The following PSMB1 variants were observed in gnomAD, a reference collection of about 807,000 sequenced individuals.
The protein encoded by PSMB1 is proteasome 20S subunit beta 1.
PSMB1 carries 7 observed loss-of-function variants against 25.4 expected under a neutral mutation model. The observed-to-expected ratio is 0.28, with a 90% CI of 0.16 to 0.52. The LOEUF (loss-of-function observed/expected upper bound fraction) is 0.52, where lower values mean the gene tolerates loss of function less well. Among genes scored for constraint, PSMB1 ranks in the 20% least tolerant of loss-of-function variants. The pLI, the probability that PSMB1 is intolerant of heterozygous loss-of-function variation, is 0.97. For synonymous variants in PSMB1, 119 were observed against 115.0 expected (o/e 1.03, Z -0.22); for missense variants, 284 against 302.2 (o/e 0.94, Z 0.45).
chr6:170,537,356 A>G lies in PSMB1; in HGVS notation c.434-16T>C. The G allele has an allele frequency of 6.4e-7, 1 of 1,572,794 alleles. No homozygotes were observed. Among genetic ancestry groups the G allele is most frequent in the Non-Finnish European group, 8.7e-7 (1 of 1,143,502 alleles). ...GCCCCCTTTCCTTAAAGAAGAAAAC[A>G]GTATTCATAAGGATGGTATCCAATC... On this transcript the variant is annotated splice_polypyrimidine_tract_variant and intron_variant, in intron 4 of 5. Coordinates refer to ENST00000262193, the MANE Select transcript of PSMB1 (RefSeq NM_002793.4).
At chr6:170,543,773 C>T in intron 3 of PSMB1, 43 bp from the exon 4 acceptor site, 1 of 1,554,222 alleles carries the variant, frequency 6.4e-7, no homozygotes, top group Non-Finnish European at 8.7e-7. Context: ...GAGGCAGAGG[C>T]CATTATAGAC....
At chr6:170,544,162 T>C (rs568266092) in intron 3 of PSMB1, among the ~76,000 whole-genome samples, 1 of 152,266 alleles carries the variant, frequency 6.6e-6, no homozygotes, top group South Asian at 2.1e-4. Context: ...GCTTTTTCAC[T>C]ACAGAAGCAG....
chr6:170,551,943 T>C (rs1395743537), intron 1 of PSMB1, among the ~76,000 whole-genome samples: 4 of 152,216 alleles, frequency 2.6e-5, no homozygotes, highest in African/African-American at 9.6e-5. Flanking sequence ...GTTCAAGAAG[T>C]TCAGAAGTAC....
chr6:170,539,352 A>G (rs1479871286), intron 4 of PSMB1, among the ~76,000 whole-genome samples: 1 of 152,200 alleles, frequency 6.6e-6, no homozygotes, highest in African/African-American at 2.4e-5. Context: ...AAAAGGCACC[A>G]CCCAAAAGAG....
chr6:170,543,859 A>G (rs1778785135), intron 3 of PSMB1, 129 bp from the exon 4 acceptor site: 2 of 958,012 alleles, frequency 2.1e-6, no homozygotes, highest in Non-Finnish European at 2.9e-6. Context: ...TATTTCCTTC[A>G]TGATCAACCA....
intron 3 of PSMB1, among the ~76,000 whole-genome samples, chr6:170,544,232 C>T (rs965011827): frequency 3.8e-4 from 58 of 151,906 alleles, no homozygotes; most frequent in Non-Finnish European, 1.5e-4. Context: ...AGAAAAATTA[C>T]GGCAATCCCT....
chr6:170,548,948 T>G (rs1181731088), intron 2 of PSMB1, 58 bp downstream of exon 2: 2 of 1,279,220 alleles, frequency 1.6e-6, no homozygotes, highest in African/African-American at 3.0e-5. Context: ...GTAGAAACTC[T>G]CACAACATCA....
In PSMB1 at chr6:170,544,212, G is replaced by C. The variant is rs1009605097; in HGVS notation, c.304-482C>G. Among the ~76,000 whole-genome samples the C allele has an allele frequency of 2.8e-5, 3 of 108,766 alleles. No homozygotes were observed. The South Asian group carries it at 8.0e-4, about 29-fold the overall frequency. 71.4% of individuals were successfully genotyped at this position (108,766 alleles called of 152,430 possible). A position where few individuals can be genotyped will look rare whatever the true frequency, so the allele number is the denominator to read the frequency against. On this transcript the variant is annotated intron_variant, in intron 3 of 5. Transcript: ENST00000262193. Reference sequence around the variant, plus strand: ...ATAAAGCTGTAAATATTTACTATCTGGTCCTTTACAGAAAAATTACGGCAA... The same window carrying C: ...ATAAAGCTGTAAATATTTACTATCTCGTCCTTTACAGAAAAATTACGGCAA...
chr6:170,548,260 A>G (rs1778847128), intron 2 of PSMB1, among the ~76,000 whole-genome samples: 1 of 152,240 alleles, frequency 6.6e-6, no homozygotes, highest in African/African-American at 2.4e-5. Context: ...AAACCTCGTA[A>G]GTCCCATTCC....
intron 4 of PSMB1, among the ~76,000 whole-genome samples, chr6:170,540,979 TAA>T (rs1239838869): frequency 6.6e-6 from 1 of 151,644 alleles, no homozygotes; most frequent in Non-Finnish European, 1.5e-5. Context: ...ATAAAACAAA[TAA>T]GAAACTCTAG....
At chr6:170,548,404 T>C (rs1048784590) in intron 2 of PSMB1, among the ~76,000 whole-genome samples, 2 of 152,340 alleles carry the variant, frequency 1.3e-5, no homozygotes, top group African/African-American at 4.8e-5. Context: ...TTTTTAAGTT[T>C]TGGCTTTATT....
intron 4 of PSMB1, among the ~76,000 whole-genome samples, chr6:170,540,588 C>CAAAAAAAAAAAAAAAAAAAA (rs5881872): frequency 4.9e-5 from 3 of 61,202 alleles, no homozygotes; most frequent in African/African-American, 8.3e-5. Context: ...GAATGGACAG[C>CAAAAAAAAAAAAAAAAAAAA]AAAAAAAAAA....
intron 4 of PSMB1, among the ~76,000 whole-genome samples, chr6:170,541,840 T>C (rs1473483172): frequency 6.6e-6 from 1 of 152,196 alleles, no homozygotes; most frequent in Non-Finnish European, 1.5e-5. Flanking sequence ...TGCTGCTTAG[T>C]AGGTATCAGC....
chr6:170,547,599 C>T (rs887426781), intron 2 of PSMB1, among the ~76,000 whole-genome samples: 8 of 152,210 alleles, frequency 5.3e-5, no homozygotes, highest in African/African-American at 1.2e-4. Flanking sequence ...AAGGTGAAGA[C>T]GTCCAATCCC....
intron 2 of PSMB1, 124 bp from the exon 3 acceptor site, chr6:170,546,308 A>G (rs1778817894): frequency 1.4e-6 from 1 of 737,748 alleles, no homozygotes; most frequent in Admixed American, 2.3e-5. Context: ...ACAAACAGTC[A>G]CCCTTCTGGG....
intron 3 of PSMB1, among the ~76,000 whole-genome samples, chr6:170,544,146 G>A (rs369750920): frequency 5.3e-5 from 8 of 152,112 alleles, no homozygotes; most frequent in East Asian, 3.9e-4. Flanking sequence ...AATATTGTCC[G>A]TGGCTGCTTT....
chr6:170,539,151 G>A (rs1258930739), intron 4 of PSMB1, among the ~76,000 whole-genome samples: 1 of 152,124 alleles, frequency 6.6e-6, no homozygotes, highest in Non-Finnish European at 1.5e-5. Context: ...ATTACAAAGT[G>A]CTTTTCCTCA....
rs760045700 is a variant in PSMB1, at chr6:170,537,323, T to C, written c.451A>G (p.Ser151Gly). 6.8e-6 allele frequency: 11 copies of C among 1,613,770 alleles called. No individual in the cohort carries two copies. The highest frequency in any genetic ancestry group is 1.7e-5 in the Admixed American group (1 of 59,998). ...TGGTAAGACCCTACTGGATCAAAGC[T>C]GTATACAGCCCCCTTTCCTTAAAGA... ...LDEEGKGAVYSFDPVGSYQRD... is the reference protein window; with the variant it reads ...LDEEGKGAVYGFDPVGSYQRD... Residue 151 changes from serine to glycine, a missense_variant, in exon 5 of 6, where the codon AGC (serine) becomes GGC (glycine). Physicochemically the swap from Ser to Gly is moderately conservative, Grantham distance 56. Coordinates refer to ENST00000262193, the MANE Select transcript of PSMB1 (RefSeq NM_002793.4).
intron 1 of PSMB1, chr6:170,549,706 T>C (rs1016692542): frequency 6.6e-6 from 1 of 152,262 alleles, no homozygotes; most frequent in Non-Finnish European, 1.5e-5. Context: ...TGGGTTCTAA[T>C]TCTGGCTTTC....
Sources: allele counts gnomAD v4.1 joint callset (sites outside exome capture counted in the v4.1 genomes callset), GRCh38; gene constraint gnomAD v4.1.1; transcripts MANE v1.5; gene names NCBI Gene and HGNC (gene_info 2026-07-23, HGNC 2026-07-21).